Variants in EPHB2 observed in about 807,000 individuals in gnomAD.
The protein encoded by EPHB2 is ephrin type-B receptor 2.
A neutral mutation model predicts 96.4 loss-of-function variants in EPHB2; 18 were observed. That is an observed-to-expected ratio of 0.19 (90% CI 0.13 to 0.28). The LOEUF is 0.28. Ranked by LOEUF, EPHB2 falls within the 10% of genes least tolerant of loss-of-function variation. The probability of loss-of-function intolerance (pLI) is 1.00; values close to 1 mark genes in which losing one functional copy is unlikely to be tolerated. For missense variants in EPHB2, 989 were observed against 1,355.4 expected, an observed-to-expected ratio of 0.73 and a Z score of 4.25; for synonymous variants, 506 against 534.1, an observed-to-expected ratio of 0.95 and a Z score of 0.72.
chr1:22,816,223 C>G (rs12143574), intron 3 of EPHB2, among the ~76,000 whole-genome samples: 29,424 of 152,064 alleles, frequency 0.19, 2,915 homozygotes, highest in South Asian at 0.32. Flanking sequence ...GAAGCCTGGC[C>G]TTCTGTAATA....
chr1:22,800,284 A>G (rs1411684004), intron 3 of EPHB2: 1 of 152,208 alleles, frequency 6.6e-6, no homozygotes, highest in Non-Finnish European at 1.5e-5. Flanking sequence ...TCTCGGATCT[A>G]TGGGCATGTA....
At position 22,919,789 on chromosome 1, in the gene EPHB2, G is replaced by A. The variant is rs755074931; in HGVS notation, c.*6219G>A. ...GACTGCAAGAGTCATGAATTCTAAC[G>A]TTCCACAGGTGAAAGATTCCAAGAT... On this transcript the variant is annotated 3_prime_UTR_variant, in exon 16 of 16. Transcript: ENST00000374630. The A allele has an allele frequency of 6.6e-5, 10 of 152,156 alleles. No homozygotes were observed. The highest frequency in any genetic ancestry group is 1.2e-4 in the Non-Finnish European group (8 of 68,036). 9.4% of individuals were successfully genotyped at this position (152,156 alleles called of 1,614,324 possible).
rs754226740 is a variant in EPHB2, at chr1:22,907,958, C to T, written c.2142C>T (p.Asn714=). 31 of 1,614,118 alleles carry T rather than the reference C, an allele frequency of 1.9e-5. No individual in the cohort carries two copies. The highest frequency in any genetic ancestry group is 5.0e-5 in the Admixed American group (3 of 60,012). Residue 714 remains asparagine (N), a synonymous_variant, in exon 12 of 16, where the codon AAC becomes AAT. Transcript: ENST00000374630. ...TTTCCCCACTTCTCCCAAAGCAAAACGATGGGCAGTTCACAGTCATCCAGC... is the reference window on the plus strand; with the variant it reads ...TTTCCCCACTTCTCCCAAAGCAAAATGATGGGCAGTTCACAGTCATCCAGC... ...NGSLDSFLRQ[N]DGQFTVIQLV...
At chr1:22,829,604 A>G (rs1231422458) in intron 3 of EPHB2, among the ~76,000 whole-genome samples, 1 of 152,162 alleles carries the variant, frequency 6.6e-6, no homozygotes, top group Non-Finnish European at 1.5e-5. Context: ...TCATTTTCAG[A>G]TCACCTTCTG....
At chr1:22,825,104 A>G (rs902278243) in intron 3 of EPHB2, among the ~76,000 whole-genome samples, 1 of 152,258 alleles carries the variant, frequency 6.6e-6, no homozygotes, top group African/African-American at 2.4e-5. Flanking sequence ...TAAACTGACC[A>G]TACTTTCTGG....
At position 22,813,054 on chromosome 1, in the gene EPHB2, A is replaced by G. The variant is rs1296172763; in HGVS notation, c.811+27978A>G. On this transcript the variant is annotated intron_variant, in intron 3 of 15. Coordinates refer to ENST00000374630, the MANE Select transcript of EPHB2 (RefSeq NM_017449.5). Reference sequence around the variant, plus strand: ...TTTGTAATTTATTATAATTTGGCATATTATATACTTGCGTTATACTTCAGT... The same window carrying G: ...TTTGTAATTTATTATAATTTGGCATGTTATATACTTGCGTTATACTTCAGT... Among the ~76,000 whole-genome samples the G allele has an allele frequency of 2.6e-5, 4 of 152,358 alleles. No homozygotes were observed. The East Asian group carries it at 7.7e-4, about 29-fold the overall frequency.
intron 1 of EPHB2, among the ~76,000 whole-genome samples, chr1:22,727,042 C>G (rs565530424): frequency 6.6e-6 from 1 of 152,130 alleles, no homozygotes; most frequent in Non-Finnish European, 1.5e-5. Flanking sequence ...GGTTTGAGTC[C>G]GTTAAGAGAA....
chr1:22,714,672 T>C (rs1253459949), intron 1 of EPHB2, among the ~76,000 whole-genome samples: 1 of 152,186 alleles, frequency 6.6e-6, no homozygotes, highest in East Asian at 1.9e-4. Context: ...AGATTCATGC[T>C]TGGAAAGATC....
At chr1:22,807,809 T>A (rs993746824) in intron 3 of EPHB2, among the ~76,000 whole-genome samples, 3 of 152,160 alleles carry the variant, frequency 2.0e-5, no homozygotes, top group African/African-American at 7.2e-5. Flanking sequence ...GGGGCAAAAG[T>A]ATTCTAGCCA....
chr1:22,893,468 G>GTTCTGGGAT (rs1639456269), intron 7 of EPHB2, among the ~76,000 whole-genome samples: 2 of 152,248 alleles, frequency 1.3e-5, no homozygotes, highest in Admixed American at 1.3e-4. Flanking sequence ...GCAGGAAGAA[G>GTTCTGGGAT]TTCTGGGATA....
chr1:22,796,503 G>A (rs1644768631), intron 3 of EPHB2, among the ~76,000 whole-genome samples: 1 of 152,196 alleles, frequency 6.6e-6, no homozygotes, highest in African/African-American at 2.4e-5. Context: ...GGCTGTGAGT[G>A]CACGGCCATT....
In EPHB2 at chr1:22,812,169, G is replaced by A. The variant is rs976791548; in HGVS notation, c.811+27093G>A. ...GCCACATCTACCTCTCCAGATACTAGGAGGATGAAATTGTAGTGAATGTAG... is the reference window on the plus strand; with the variant it reads ...GCCACATCTACCTCTCCAGATACTAAGAGGATGAAATTGTAGTGAATGTAG... On this transcript the variant is annotated intron_variant, in intron 3 of 15. Transcript: ENST00000374630. Among the ~76,000 whole-genome samples, 26 of 152,322 alleles carry A rather than the reference G, an allele frequency of 1.7e-4. No homozygotes were observed. In the Middle Eastern group the frequency reaches 0.01, roughly 60 times the overall value.
At chr1:22,764,554 T>C (rs1380381399) in intron 1 of EPHB2, among the ~76,000 whole-genome samples, 1 of 152,118 alleles carries the variant, frequency 6.6e-6, no homozygotes, top group East Asian at 1.9e-4. Flanking sequence ...GAAACCAGCC[T>C]GGCCAACATG....
Position 22,895,485 on chromosome 1 carries a change from A to G in EPHB2, c.1605A>G (p.Thr535=). 3 of 1,614,230 alleles carry G rather than the reference A, an allele frequency of 1.9e-6. No homozygotes were observed. The highest frequency in any genetic ancestry group is 2.5e-6 in the Non-Finnish European group (3 of 1,180,026). ...CTTTCTCCCCAGCCGAGTACCAGAC[A>G]AGCATCCAGGAGAAGTTGCCACTCA... ...FQTMTEAEYQ[T]SIQEKLPLII... Residue 535 remains threonine, a synonymous_variant, in exon 8 of 16, where the codon ACA becomes ACG. Transcript: ENST00000374630.
intron 3 of EPHB2, among the ~76,000 whole-genome samples, chr1:22,822,224 T>C (rs1645161517): frequency 6.6e-6 from 1 of 152,152 alleles, no homozygotes; most frequent in African/African-American, 2.4e-5. Flanking sequence ...GGCTTATACC[T>C]GTAATCCCAA....
Position 22,910,536 on chromosome 1 carries a change from A to G in EPHB2, c.2657A>G (p.Asn886Ser), listed in dbSNP as rs781119493. The part of the protein sequence containing the change: ...IVNTLDKMIR[N>S]PNSLKAMAPL... ...AACACGCTAGACAAGATGATCCGCA[A>G]TCCCAACAGCCTCAAAGCCATGGCG... is the stretch of plus-strand genomic sequence containing the variant. Residue 886 changes from asparagine (N) to serine (S), a missense_variant, in exon 14 of 16, where the codon AAT becomes AGT. Asn to Ser is a conservative substitution (Grantham distance 46). Coordinates refer to ENST00000374630, the MANE Select transcript of EPHB2 (RefSeq NM_017449.5). 9 of 1,613,030 alleles carry G rather than the reference A, an allele frequency of 5.6e-6. No homozygotes were observed. The East Asian group carries it at 2.0e-4, about 36-fold the overall frequency.
chr1:22,783,950 G>T (rs1334086353), intron 2 of EPHB2, among the ~76,000 whole-genome samples: 1 of 152,122 alleles, frequency 6.6e-6, no homozygotes, highest in African/African-American at 2.4e-5. Context: ...AGTTCCCAAG[G>T]GCAAGGGCTG....
At chr1:22,745,927 A>G (rs876685) in intron 1 of EPHB2, among the ~76,000 whole-genome samples, 28,553 of 152,046 alleles carry the variant, frequency 0.19, 3,526 homozygotes, top group African/African-American at 0.34. Flanking sequence ...CTCCCCACCC[A>G]TTTCTACACC....
intron 1 of EPHB2, among the ~76,000 whole-genome samples, chr1:22,752,764 C>T (rs1644083855): frequency 6.6e-6 from 1 of 151,540 alleles, no homozygotes; most frequent in South Asian, 2.1e-4. Context: ...TTTATACTTA[C>T]ACGTACACAC....
Sources: allele counts gnomAD v4.1 joint callset (sites outside exome capture counted in the v4.1 genomes callset), GRCh38; gene constraint gnomAD v4.1.1; transcripts MANE v1.5; gene names NCBI Gene and HGNC (gene_info 2026-07-23, HGNC 2026-07-21).